MLLT3: variants seen among roughly 807,000 people sequenced by gnomAD.
MLLT3 encodes the protein protein AF-9.
In MLLT3, 4 loss-of-function variants were observed where a neutral mutation model predicts 53.2. The observed-to-expected ratio is 0.08, with a 90% CI of 0.04 to 0.17. The LOEUF (loss-of-function observed/expected upper bound fraction) is 0.17, where lower values mean the gene tolerates loss of function less well. Ranked by LOEUF, MLLT3 falls within the 10% of genes least tolerant of loss-of-function variation. The pLI is 1.00. For synonymous variants in MLLT3, 283 were observed against 230.6 expected (o/e 1.23, Z -2.06); for missense variants, 569 against 684.0 (o/e 0.83, Z 1.87).
chr9:20,540,317 C>T (rs1423338948), intron 2 of MLLT3, among the ~76,000 whole-genome samples: 1 of 152,246 alleles, frequency 6.6e-6, no homozygotes, highest in East Asian at 1.9e-4. Flanking sequence ...GGGCTCCAAC[C>T]CATTTACCTC....
Position 20,621,665 on chromosome 9 carries a change from C to T in MLLT3, c.12+580G>A, listed in dbSNP as rs926592320. 77 of 1,149,102 alleles carry T rather than the reference C, an allele frequency of 6.7e-5. No individual in the cohort carries two copies. The highest frequency in any genetic ancestry group is 8.9e-5 in the Non-Finnish European group (76 of 850,510). 71.2% of individuals were successfully genotyped at this position (1,149,102 alleles called of 1,614,324 possible). A position where few individuals can be genotyped will look rare whatever the true frequency, so the allele number is the denominator to read the frequency against. On this transcript the variant is annotated intron_variant, in intron 1 of 10. Transcript: ENST00000380338. This position sits in a 1 kb window ranked among gnomAD's most constrained non-coding sequence, Gnocchi z 7.0. ...GGCGGCGGGCGGACAGCCGCCGAGC[C>T]TCGGCTCGCGCTCAGCACCTCCCGG... is the stretch of plus-strand genomic sequence containing the variant.
At chr9:20,585,744 A>G (rs1399442231) in intron 2 of MLLT3, among the ~76,000 whole-genome samples, 1 of 152,154 alleles carries the variant, frequency 6.6e-6, no homozygotes, top group Admixed American at 6.5e-5. Flanking sequence ...TCACTGTTCT[A>G]TTTCCCAGTG....
At chr9:20,530,218 TGAAG>T (rs900851808) in intron 2 of MLLT3, among the ~76,000 whole-genome samples, 5 of 152,206 alleles carry the variant, frequency 3.3e-5, no homozygotes, top group African/African-American at 1.2e-4. Flanking sequence ...ATTTCACAAA[TGAAG>T]GAAGATTAGA....
At chr9:20,498,479 G>C (rs7859543) in intron 2 of MLLT3, among the ~76,000 whole-genome samples, 41,015 of 151,850 alleles carry the variant, frequency 0.27, 6,172 homozygotes, top group African/African-American at 0.41. Context: ...TTTTATAACT[G>C]AACCATCTTA....
intron 2 of MLLT3, among the ~76,000 whole-genome samples, chr9:20,604,135 G>A (rs769653384): frequency 3.9e-5 from 6 of 151,914 alleles, no homozygotes; most frequent in Non-Finnish European, 8.8e-5. Context: ...GTATTTCCCT[G>A]CCCTTTAAAT....
At position 20,622,236 on chromosome 9, in the gene MLLT3, C is replaced by T. The variant is rs777929646; in HGVS notation, c.12+9G>A. The T allele has an allele frequency of 1.2e-5, 20 of 1,601,842 alleles. No homozygotes were observed. Among genetic ancestry groups the T allele is most frequent in the Non-Finnish European group, 1.6e-5 (19 of 1,173,554 alleles). Reference sequence around the variant, plus strand: ...GAGGGCTTTTATTATTATTTTTGCGCGTACTTACCGAGCTAGCCATGCCTG... The same window carrying T: ...GAGGGCTTTTATTATTATTTTTGCGTGTACTTACCGAGCTAGCCATGCCTG... On this transcript the variant is annotated intron_variant, in intron 1 of 10. Transcript: ENST00000380338.
intron 2 of MLLT3, among the ~76,000 whole-genome samples, chr9:20,551,082 G>A (rs752475467): frequency 6.6e-5 from 10 of 152,168 alleles, no homozygotes; most frequent in African/African-American, 2.2e-4. Context: ...TTCTTTAAAT[G>A]GCCAATTCGG....
Position 20,622,417 on chromosome 9 carries a change from T to C in MLLT3, c.-161A>G, listed in dbSNP as rs1001151805. The C allele has an allele frequency of 9.8e-5, 63 of 644,732 alleles. No individual in the cohort carries two copies. Among genetic ancestry groups the C allele is most frequent in the Non-Finnish European group, 1.5e-4 (58 of 384,376 alleles). 39.9% of individuals were successfully genotyped at this position (644,732 alleles called of 1,614,324 possible). On this transcript the variant is annotated 5_prime_UTR_variant, in exon 1 of 11. Coordinates refer to ENST00000380338, the MANE Select transcript of MLLT3 (RefSeq NM_004529.4). ...CTGCCTTTTTCCCCCCGCGCTCGCT[T>C]GCTCGCTCGCTCGCTTATTAAACTC...
chr9:20,538,213 T>C (rs184609771), intron 2 of MLLT3, among the ~76,000 whole-genome samples: 46 of 152,350 alleles, frequency 3.0e-4, no homozygotes, highest in Non-Finnish European at 6.5e-4. Flanking sequence ...TATACCACAT[T>C]GAAATAGCAC....
intron 2 of MLLT3, among the ~76,000 whole-genome samples, chr9:20,591,759 A>G (rs185748904): frequency 6.1e-4 from 93 of 152,368 alleles, no homozygotes; most frequent in African/African-American, 2.1e-3. Flanking sequence ...GTGTATCAAA[A>G]AAAAGTTTTT....
chr9:20,426,177 T>A (rs1039760637), intron 4 of MLLT3, among the ~76,000 whole-genome samples: 1 of 152,142 alleles, frequency 6.6e-6, no homozygotes, highest in Non-Finnish European at 1.5e-5. Context: ...GTAAGTTATA[T>A]TTAGAAGACT....
intron 2 of MLLT3, among the ~76,000 whole-genome samples, chr9:20,534,369 T>A (rs1465156496): frequency 6.6e-6 from 1 of 152,196 alleles, no homozygotes; most frequent in Non-Finnish European, 1.5e-5. Flanking sequence ...TAAATAGTGA[T>A]CCTATGGCCC....
At chr9:20,543,766 G>C (rs1440816080) in intron 2 of MLLT3, among the ~76,000 whole-genome samples, 1 of 151,550 alleles carries the variant, frequency 6.6e-6, no homozygotes, top group African/African-American at 2.4e-5. Flanking sequence ...AGGAAAAGGA[G>C]GAGGAGGAGG....
At chr9:20,551,240 T>C (rs1203244096) in intron 2 of MLLT3, among the ~76,000 whole-genome samples, 2 of 152,196 alleles carry the variant, frequency 1.3e-5, no homozygotes, top group African/African-American at 2.4e-5. Context: ...GAAAGAATAA[T>C]AACATACCTG....
At chr9:20,558,084 G>T (rs1387618425) in intron 2 of MLLT3, among the ~76,000 whole-genome samples, 1 of 152,172 alleles carries the variant, frequency 6.6e-6, no homozygotes, top group South Asian at 2.1e-4. Context: ...AACAGAAAAA[G>T]AGGCTGCAAG....
chr9:20,466,327 T>C (rs1048640024), intron 2 of MLLT3, among the ~76,000 whole-genome samples: 1 of 152,212 alleles, frequency 6.6e-6, no homozygotes, highest in Admixed American at 6.5e-5. Flanking sequence ...ATTTTCAAGT[T>C]AGGGAGACTT....
chr9:20,582,390 G>A (rs553473212), intron 2 of MLLT3, among the ~76,000 whole-genome samples: 4 of 151,944 alleles, frequency 2.6e-5, no homozygotes, highest in South Asian at 2.1e-4. Context: ...CTACCTATTC[G>A]TCCCTTCCTT....
At chr9:20,596,508 G>A (rs1820271003) in intron 2 of MLLT3, among the ~76,000 whole-genome samples, 1 of 152,138 alleles carries the variant, frequency 6.6e-6, no homozygotes, top group African/African-American at 2.4e-5. Context: ...TGGCCAACAT[G>A]GTGAGACCTT....
rs117926837 is a variant in MLLT3, at chr9:20,352,327, G to A, written c.1575+1198C>T. 1.1e-3 allele frequency among the ~76,000 whole-genome samples: 175 copies of A among 152,330 alleles called. 9 individuals carry two copies. In the East Asian group the frequency reaches 0.033, roughly 29 times the overall value. Reference sequence around the variant, plus strand: ...ACAGTGGTTCAGAGCTGGTGTTTGGGAAGAGACGAGAAAGATCATGCAATA... The same window carrying A: ...ACAGTGGTTCAGAGCTGGTGTTTGGAAAGAGACGAGAAAGATCATGCAATA... On this transcript the variant is annotated intron_variant, in intron 10 of 10. Transcript: ENST00000380338.
Sources: gnomAD v4.1 joint callset for allele counts (sites outside exome capture counted in the v4.1 genomes callset) on GRCh38, gnomAD v4.1.1 for gene constraint, Gnocchi (gnomAD v3.1) non-coding constraint, MANE v1.5 for transcripts, NCBI Gene and HGNC (gene_info 2026-07-23, HGNC 2026-07-21) for gene names.